The following RABEP1 variants were observed in gnomAD, a reference collection of about 807,000 sequenced individuals.
The protein encoded by RABEP1 is rabaptin, RAB GTPase binding effector protein 1, also known as rab GTPase-binding effector protein 1.
RABEP1 carries 51 observed loss-of-function variants against 123.4 expected under a neutral mutation model. The observed-to-expected ratio is 0.41, with a 90% CI of 0.33 to 0.52. RABEP1 has a LOEUF of 0.52. Among genes scored for constraint, RABEP1 ranks in the 20% least tolerant of loss-of-function variants. The pLI is 0.16. For missense variants in RABEP1, 888 were observed against 996.3 expected (o/e 0.89, Z 1.46); for synonymous variants, 347 against 355.2 (o/e 0.98, Z 0.26).
intron 5 of RABEP1, among the ~76,000 whole-genome samples, chr17:5,340,144 A>C (rs75672693): frequency 0.044 from 6,683 of 152,340 alleles, 294 homozygotes; most frequent in East Asian, 0.13. Context: ...ATTTTGAACT[A>C]TCAGGTTAGT....
intron 5 of RABEP1, among the ~76,000 whole-genome samples, chr17:5,339,086 G>C (rs1676612111): frequency 6.6e-6 from 1 of 152,098 alleles, no homozygotes; most frequent in Non-Finnish European, 1.5e-5. Flanking sequence ...CAGCCCGGGA[G>C]TTTGAGACTA....
At chr17:5,284,969 G>T (rs1444354887) in intron 1 of RABEP1, among the ~76,000 whole-genome samples, 1 of 150,622 alleles carries the variant, frequency 6.6e-6, no homozygotes, top group East Asian at 1.9e-4. Flanking sequence ...TGTCTTTGAT[G>T]ACTTTTTAAA....
At position 5,383,494 on chromosome 17, in the gene RABEP1, C is replaced by T. The variant is rs777776125; in HGVS notation, c.*271C>T. The T allele has an allele frequency of 1.5e-5, 6 of 400,330 alleles. No individual in the cohort carries two copies. Among genetic ancestry groups the T allele is most frequent in the African/African-American group, 6.0e-5 (3 of 50,380 alleles). The allele number at this position is 400,330 out of a possible 1,614,324, so 24.8% of individuals were successfully genotyped here. Reference sequence around the variant, plus strand: ...GGATCAGATTTGGTGATGGAAAAAGCGCTGTTTCCTTGCCTGCTTTCTCCA... The same window carrying T: ...GGATCAGATTTGGTGATGGAAAAAGTGCTGTTTCCTTGCCTGCTTTCTCCA... On this transcript the variant is annotated 3_prime_UTR_variant, in exon 18 of 18. Coordinates refer to ENST00000537505, the MANE Select transcript of RABEP1 (RefSeq NM_004703.6).
chr17:5,350,702 T>C, intron 7 of RABEP1, 73 bp downstream of exon 7: 1 of 1,509,582 alleles, frequency 6.6e-7, no homozygotes, highest in Non-Finnish European at 9.1e-7. Context: ...CATTACCTTA[T>C]GTGTATTAGA....
At chr17:5,282,643 G>A in intron 1 of RABEP1, 123 bp downstream of exon 1, 1 of 589,794 alleles carries the variant, frequency 1.7e-6, no homozygotes, top group Non-Finnish European at 2.1e-6. Flanking sequence ...GACCCCGCCG[G>A]GCGGAGGCGG....
chr17:5,346,703 G>A (rs11871517), intron 5 of RABEP1, 87 bp from the exon 6 acceptor site: 433,435 of 1,039,948 alleles, frequency 0.42, 93,986 homozygotes, highest in African/African-American at 0.69. Flanking sequence ...AAATTTTTTT[G>A]AGGCATAGCC....
intron 2 of RABEP1, among the ~76,000 whole-genome samples, chr17:5,318,654 C>G (rs977158344): frequency 3.9e-5 from 6 of 152,174 alleles, no homozygotes; most frequent in Admixed American, 2.0e-4. Flanking sequence ...CTCTGAGTCT[C>G]TATTCTCTAT....
At chr17:5,366,759 T>C (rs2144691197) in intron 11 of RABEP1, among the ~76,000 whole-genome samples, 1 of 151,852 alleles carries the variant, frequency 6.6e-6, no homozygotes, top group South Asian at 2.1e-4. Flanking sequence ...ATGTCTTCAT[T>C]AATGGTGTCT....
chr17:5,358,440 A>G (rs1909214894), intron 8 of RABEP1, among the ~76,000 whole-genome samples: 1 of 151,628 alleles, frequency 6.6e-6, no homozygotes, highest in South Asian at 2.1e-4. Context: ...GGAGGCTGAG[A>G]CAGGCGGATC....
At chr17:5,351,135 T>C (rs967518809) in intron 7 of RABEP1, among the ~76,000 whole-genome samples, 1 of 148,358 alleles carries the variant, frequency 6.7e-6, no homozygotes, top group African/African-American at 2.5e-5. Flanking sequence ...AGCCAAAAGA[T>C]TGGACACCTG....
intron 2 of RABEP1, among the ~76,000 whole-genome samples, chr17:5,322,146 G>A (rs1828085434): frequency 6.6e-6 from 1 of 152,200 alleles, no homozygotes; most frequent in South Asian, 2.1e-4. Context: ...GTTGCAGTGA[G>A]CTGAGATTGC....
intron 1 of RABEP1, among the ~76,000 whole-genome samples, chr17:5,304,780 A>G (rs1258054648): frequency 6.6e-6 from 1 of 152,196 alleles, no homozygotes; most frequent in Non-Finnish European, 1.5e-5. Context: ...TTTGTTCATG[A>G]TGCTATAAAG....
At chr17:5,372,047 C>G (rs775877813) in intron 12 of RABEP1, among the ~76,000 whole-genome samples, 2 of 151,968 alleles carry the variant, frequency 1.3e-5, no homozygotes, top group Admixed American at 1.3e-4. Flanking sequence ...TTATCTGATA[C>G]TCGGATTTGG....
At chr17:5,358,675 A>G (rs541581858) in intron 8 of RABEP1, among the ~76,000 whole-genome samples, 2 of 151,824 alleles carry the variant, frequency 1.3e-5, no homozygotes, top group Admixed American at 6.6e-5. Context: ...TCTCCAGGAA[A>G]AAAAAAAAAA....
chr17:5,334,283 G>A (rs375234226), intron 3 of RABEP1, among the ~76,000 whole-genome samples: 3 of 151,832 alleles, frequency 2.0e-5, no homozygotes, highest in East Asian at 3.9e-4. Flanking sequence ...CCAGGCTGGA[G>A]TGCGGTGGCA....
intron 2 of RABEP1, among the ~76,000 whole-genome samples, chr17:5,328,539 G>A (rs1906190275): frequency 6.6e-6 from 1 of 151,440 alleles, no homozygotes; most frequent in Admixed American, 6.6e-5. Context: ...CCAGCTACGT[G>A]GGAAGCTGAG....
chr17:5,319,248 C>T (rs999993070), intron 2 of RABEP1, among the ~76,000 whole-genome samples: 15 of 144,274 alleles, frequency 1.0e-4, no homozygotes, highest in South Asian at 2.2e-4. Context: ...GGGAATTGCT[C>T]GAGCCCAGAG....
intron 3 of RABEP1, 26 bp downstream of exon 3, chr17:5,332,178 G>A (rs766121310): frequency 2.5e-6 from 4 of 1,597,504 alleles, no homozygotes; most frequent in East Asian, 4.5e-5. Context: ...GATCAATTTT[G>A]TGATTTTCTA....
chr17:5,288,858 T>A (rs889935478), intron 1 of RABEP1, among the ~76,000 whole-genome samples: 2 of 149,390 alleles, frequency 1.3e-5, no homozygotes, highest in African/African-American at 4.9e-5. Context: ...CGTGCACCAC[T>A]ACACCTGGCT....
Sources: allele counts gnomAD v4.1 joint callset (sites outside exome capture counted in the v4.1 genomes callset), GRCh38; gene constraint gnomAD v4.1.1; transcripts MANE v1.5; gene names NCBI Gene and HGNC (gene_info 2026-07-23, HGNC 2026-07-21).